Variants in NDST4 observed in about 807,000 individuals in gnomAD.
The protein encoded by NDST4 is N-deacetylase and N-sulfotransferase 4, also known as N-heparan sulfate sulfotransferase 4.
In NDST4, 63 loss-of-function variants were observed where a neutral mutation model predicts 100.8. That is an observed-to-expected ratio of 0.62 (90% CI 0.51 to 0.77). NDST4 has a LOEUF of 0.77. Among genes scored for constraint, NDST4 ranks in the 30% least tolerant of loss-of-function variants. NDST4 has a pLI of 0.00. For synonymous variants in NDST4, 377 were observed against 361.8 expected (o/e 1.04, Z -0.48); for missense variants, 943 against 1,018.4 (o/e 0.93, Z 1.01).
At chr4:115,002,377 T>C (rs1365257082) in intron 2 of NDST4, among the ~76,000 whole-genome samples, 1 of 152,200 alleles carries the variant, frequency 6.6e-6, no homozygotes, top group Non-Finnish European at 1.5e-5. Context: ...TTTAAGTTCC[T>C]TGTAGATTCT....
intron 2 of NDST4, among the ~76,000 whole-genome samples, chr4:115,039,433 C>T (rs58997744): frequency 0.098 from 14,305 of 146,290 alleles, 2,074 homozygotes; most frequent in African/African-American, 0.33. Flanking sequence ...ACATTCTACA[C>T]TGAAAGAAAA....
chr4:114,949,366 C>A (rs762518670), intron 4 of NDST4, among the ~76,000 whole-genome samples: 8 of 151,892 alleles, frequency 5.3e-5, no homozygotes, highest in African/African-American at 1.9e-4. Context: ...AGCATGATGT[C>A]GGATAGGGAA....
chr4:114,962,422 G>A (rs1263968362), intron 4 of NDST4, among the ~76,000 whole-genome samples: 2 of 151,936 alleles, frequency 1.3e-5, no homozygotes, highest in Non-Finnish European at 2.9e-5. Context: ...GGAATCCACT[G>A]AAAAACTCTA....
intron 2 of NDST4, among the ~76,000 whole-genome samples, chr4:115,059,881 T>C (rs1368653649): frequency 6.6e-6 from 1 of 151,584 alleles, no homozygotes; most frequent in East Asian, 1.9e-4. Context: ...TACTCAGTCT[T>C]ACTAGGTTAG....
chr4:114,965,574 A>C (rs925022142), intron 4 of NDST4, among the ~76,000 whole-genome samples: 2 of 152,050 alleles, frequency 1.3e-5, no homozygotes, highest in African/African-American at 4.8e-5. Flanking sequence ...AAATGATACC[A>C]GACTGCTCAA....
Position 115,059,400 on chromosome 4 carries a change from G to A in NDST4, c.978+16659C>T, listed in dbSNP as rs575793357. Among the ~76,000 whole-genome samples the A allele has an allele frequency of 1.5e-3, 224 of 152,092 alleles. 1 individual carries two copies. Among genetic ancestry groups the A allele is most frequent in the African/African-American group, 4.8e-3 (200 of 41,532 alleles). On this transcript the variant is annotated intron_variant, in intron 2 of 13. Transcript: ENST00000264363. ...ACTGTGATTACCTTCATATGGAAAAGGGTTTCATATGGTACACATGTGACT... is the reference window on the plus strand; with the variant it reads ...ACTGTGATTACCTTCATATGGAAAAAGGTTTCATATGGTACACATGTGACT...
chr4:114,894,097 T>C (rs1221387387), intron 6 of NDST4, among the ~76,000 whole-genome samples: 2 of 152,200 alleles, frequency 1.3e-5, no homozygotes, highest in Non-Finnish European at 2.9e-5. Flanking sequence ...CATTGATCTA[T>C]ATGTATGTTA....
chr4:115,084,104 C>T (rs905521718), intron 1 of NDST4, among the ~76,000 whole-genome samples: 2 of 152,084 alleles, frequency 1.3e-5, no homozygotes, highest in African/African-American at 4.8e-5. Flanking sequence ...TAGCTTTGAC[C>T]AAAATGCTGA....
chr4:115,018,795 G>A (rs78114579), intron 2 of NDST4, among the ~76,000 whole-genome samples: 12,997 of 151,734 alleles, frequency 0.086, 1,838 homozygotes, highest in African/African-American at 0.29. Context: ...ATACATGCTT[G>A]GTAAAAATAT....
intron 11 of NDST4, among the ~76,000 whole-genome samples, chr4:114,838,602 A>C (rs191506296): frequency 6.6e-6 from 1 of 152,264 alleles, no homozygotes; most frequent in East Asian, 1.9e-4. Flanking sequence ...CTCACTCATA[A>C]GTGGGAGTTG....
chr4:115,016,260 C>T (rs915460201), intron 2 of NDST4, among the ~76,000 whole-genome samples: 1 of 152,014 alleles, frequency 6.6e-6, no homozygotes, highest in Admixed American at 6.6e-5. Flanking sequence ...AAGTAGGTGG[C>T]AATTCTTTGC....
chr4:115,086,354 C>T (rs896041654), intron 1 of NDST4, among the ~76,000 whole-genome samples: 2 of 151,974 alleles, frequency 1.3e-5, no homozygotes, highest in Admixed American at 1.3e-4. Context: ...TAATCAAAAT[C>T]GAGGTAGTAT....
chr4:115,107,865 G>C (rs150502876), intron 1 of NDST4, among the ~76,000 whole-genome samples: 214 of 152,070 alleles, frequency 1.4e-3, no homozygotes, highest in African/African-American at 5.0e-3. Context: ...CAGACAGATA[G>C]AGTAATTTAA....
chr4:115,106,557 C>A (rs1424273362), intron 1 of NDST4, among the ~76,000 whole-genome samples: 1 of 151,922 alleles, frequency 6.6e-6, no homozygotes, highest in Non-Finnish European at 1.5e-5. Flanking sequence ...ACTTATGATA[C>A]CTAATACGAT....
At chr4:114,898,428 A>T (rs779833411) in intron 6 of NDST4, among the ~76,000 whole-genome samples, 2 of 152,102 alleles carry the variant, frequency 1.3e-5, no homozygotes, top group Non-Finnish European at 2.9e-5. Context: ...CTGTTGTTTC[A>T]TTAGCACACT....
At position 114,881,047 on chromosome 4, in the gene NDST4, T is replaced by C. The variant is rs533495450; in HGVS notation, c.1537-10097A>G. 1.3e-4 allele frequency among the ~76,000 whole-genome samples: 20 copies of C among 152,208 alleles called. No individual in the cohort carries two copies. In the South Asian group the frequency reaches 2.1e-3, roughly 16 times the overall value. On this transcript the variant is annotated intron_variant, in intron 6 of 13. Coordinates refer to ENST00000264363, the MANE Select transcript of NDST4 (RefSeq NM_022569.3). ...ATGAAAGGAAAAGAAAGAGACCAGC[T>C]CATATAAATCTTTTAAACTGTTGAG... is the stretch of plus-strand genomic sequence containing the variant.
At chr4:114,994,747 T>G (rs1727123001) in intron 2 of NDST4, among the ~76,000 whole-genome samples, 1 of 151,978 alleles carries the variant, frequency 6.6e-6, no homozygotes, top group Admixed American at 6.6e-5. Context: ...TGAAGAATAC[T>G]TTGAGCTTGG....
intron 9 of NDST4, among the ~76,000 whole-genome samples, chr4:114,846,209 A>C (rs1260086796): frequency 6.6e-6 from 1 of 152,176 alleles, no homozygotes; most frequent in African/African-American, 2.4e-5. Context: ...CATGGGAAGG[A>C]GTGAGGTGAA....
intron 4 of NDST4, among the ~76,000 whole-genome samples, chr4:114,950,660 T>C (rs2126231842): frequency 6.6e-6 from 1 of 152,264 alleles, no homozygotes; most frequent in East Asian, 1.9e-4. Context: ...TGGATTTTAC[T>C]GGAAGAGTAC....
Sources: gnomAD v4.1 joint callset for allele counts (sites outside exome capture counted in the v4.1 genomes callset) on GRCh38, gnomAD v4.1.1 for gene constraint, MANE v1.5 for transcripts, NCBI Gene and HGNC (gene_info 2026-07-23, HGNC 2026-07-21) for gene names.